Variants in SCHIP1 observed in about 807,000 individuals in gnomAD.
SCHIP1 encodes the protein schwannomin interacting protein 1, also known as schwannomin-interacting protein 1.
A neutral mutation model predicts 29.7 loss-of-function variants in SCHIP1; 8 were observed. The ratio of observed to expected loss-of-function variants is 0.27; its 90% CI spans 0.16 to 0.49. The LOEUF is 0.49. Ranked by LOEUF, SCHIP1 falls within the 20% of genes least tolerant of loss-of-function variation. SCHIP1 has a pLI of 0.99. For synonymous variants in SCHIP1, 76 were observed against 94.9 expected, an observed-to-expected ratio of 0.80 and a Z score of 1.16; for missense variants, 193 against 294.6, an observed-to-expected ratio of 0.66 and a Z score of 2.52.
the SCHIP1 span, among the ~76,000 whole-genome samples, chr3:159,439,410 C>A: frequency 6.6e-6 from 1 of 152,036 alleles, no homozygotes; most frequent in Non-Finnish European, 1.5e-5. Context: ...TGGAAGACCG[C>A]CTTATAAAAC....
the SCHIP1 span, among the ~76,000 whole-genome samples, chr3:159,811,869 T>C: frequency 6.6e-6 from 1 of 152,166 alleles, no homozygotes; most frequent in Non-Finnish European, 1.5e-5. Flanking sequence ...TAGATCACGT[T>C]GAGGGGCATT....
the SCHIP1 span, among the ~76,000 whole-genome samples, chr3:159,741,539 A>C: frequency 6.6e-6 from 1 of 152,252 alleles, no homozygotes; most frequent in Non-Finnish European, 1.5e-5. Flanking sequence ...TCTTCCCAGA[A>C]TAAAGAAAAC....
At chr3:159,767,371 G>A in the SCHIP1 span, among the ~76,000 whole-genome samples, 1 of 152,120 alleles carries the variant, frequency 6.6e-6, no homozygotes, top group Non-Finnish European at 1.5e-5. Context: ...ACTATGGGTC[G>A]CTGTTATAAA....
the SCHIP1 span, among the ~76,000 whole-genome samples, chr3:159,446,795 G>A: frequency 1.3e-5 from 2 of 152,028 alleles, no homozygotes; most frequent in Non-Finnish European, 1.5e-5. Flanking sequence ...GAAACCAAAA[G>A]GGTTGTTAAC....
the SCHIP1 span, among the ~76,000 whole-genome samples, chr3:159,424,277 A>T: frequency 6.6e-6 from 1 of 152,122 alleles, no homozygotes; most frequent in Non-Finnish European, 1.5e-5. Flanking sequence ...AAGGCAAAGA[A>T]GTTAAAAACT....
At chr3:159,896,119 A>G (rs887592316) in intron 6 of SCHIP1, among the ~76,000 whole-genome samples, 5 of 152,246 alleles carry the variant, frequency 3.3e-5, no homozygotes, top group African/African-American at 7.2e-5. Flanking sequence ...AAGACCTGCC[A>G]TTTGTTAGAC....
chr3:159,447,579 A>G, the SCHIP1 span, among the ~76,000 whole-genome samples: 1 of 152,206 alleles, frequency 6.6e-6, no homozygotes, highest in Admixed American at 6.5e-5. Flanking sequence ...CATATGATTG[A>G]CAGGTATTAC....
the SCHIP1 span, among the ~76,000 whole-genome samples, chr3:159,463,384 T>G: frequency 1.3e-5 from 2 of 152,140 alleles, no homozygotes; most frequent in Non-Finnish European, 2.9e-5. Flanking sequence ...TGAATTTATT[T>G]AAACACAGCC....
At chr3:159,331,406 T>G in the SCHIP1 span, among the ~76,000 whole-genome samples, 1 of 152,156 alleles carries the variant, frequency 6.6e-6, no homozygotes, top group Non-Finnish European at 1.5e-5. Context: ...GGTGGAAAGT[T>G]GCAGGTGTAT....
the SCHIP1 span, among the ~76,000 whole-genome samples, chr3:159,697,018 C>T: frequency 6.8e-3 from 1,035 of 152,222 alleles, 7 homozygotes; most frequent in African/African-American, 0.024. Flanking sequence ...AATGGAAAGG[C>T]CATTGAACGA....
At chr3:159,532,946 T>C in the SCHIP1 span, among the ~76,000 whole-genome samples, 1 of 152,180 alleles carries the variant, frequency 6.6e-6, no homozygotes, top group African/African-American at 2.4e-5. Flanking sequence ...GACCAACAAG[T>C]ATGTTATAAA....
chr3:159,412,981 C>T, the SCHIP1 span, among the ~76,000 whole-genome samples: 1 of 152,294 alleles, frequency 6.6e-6, no homozygotes, highest in Admixed American at 6.5e-5. Flanking sequence ...CACAGCTCCA[C>T]ATGGCTGGAG....
At chr3:159,878,763 G>A (rs1716132867) in intron 2 of SCHIP1, among the ~76,000 whole-genome samples, 1 of 148,684 alleles carries the variant, frequency 6.7e-6, no homozygotes, top group Admixed American at 6.7e-5. Flanking sequence ...GGGCGACAGA[G>A]CGAGACTCCG....
At chr3:159,639,500 AAAAATCAGAC>A in the SCHIP1 span, among the ~76,000 whole-genome samples, 1 of 152,168 alleles carries the variant, frequency 6.6e-6, no homozygotes, top group Non-Finnish European at 1.5e-5. Flanking sequence ...AACCATTTCC[AAAAATCAGAC>A]CCATAGAAAA....
the SCHIP1 span, among the ~76,000 whole-genome samples, chr3:159,553,033 G>C: frequency 7.1e-4 from 108 of 151,978 alleles, 1 homozygote; most frequent in African/African-American, 2.4e-3. Context: ...ATCATATTAC[G>C]AATTAGAAAA....
At chr3:159,664,356 C>A in the SCHIP1 span, among the ~76,000 whole-genome samples, 1 of 151,930 alleles carries the variant, frequency 6.6e-6, no homozygotes, top group Non-Finnish European at 1.5e-5. Flanking sequence ...AGTTATAGTC[C>A]CTTATTCATT....
At chr3:159,432,749 A>G in the SCHIP1 span, among the ~76,000 whole-genome samples, 7 of 152,218 alleles carry the variant, frequency 4.6e-5, no homozygotes, top group East Asian at 3.8e-4. Context: ...CTATCACTCA[A>G]TTGTATCTGC....
chr3:159,681,830 A>G, the SCHIP1 span, among the ~76,000 whole-genome samples: 1 of 150,640 alleles, frequency 6.6e-6, no homozygotes, highest in African/African-American at 2.5e-5. Context: ...ACTTAGGTTA[A>G]CTTGGGTTAA....
At chr3:159,790,354 C>T in the SCHIP1 span, among the ~76,000 whole-genome samples, 11 of 152,200 alleles carry the variant, frequency 7.2e-5, no homozygotes, top group African/African-American at 2.7e-4. Context: ...GCTCGGTTTC[C>T]TTTCTTGGTA....
Sources: gnomAD v4.1 joint callset for allele counts (sites outside exome capture counted in the v4.1 genomes callset) on GRCh38, gnomAD v4.1.1 for gene constraint, MANE v1.5 for transcripts, NCBI Gene and HGNC (gene_info 2026-07-23, HGNC 2026-07-21) for gene names.